CFAP54: variants seen among roughly 807,000 people sequenced by gnomAD.
The protein encoded by CFAP54 is cilia and flagella associated protein 54.
A neutral mutation model predicts 370.4 loss-of-function variants in CFAP54; 290 were observed. The observed-to-expected ratio is 0.78, with a 90% CI of 0.71 to 0.86. The LOEUF (loss-of-function observed/expected upper bound fraction) is 0.86. Among genes scored for constraint, CFAP54 ranks in the 40% least tolerant of loss-of-function variants. The probability of loss-of-function intolerance (pLI) is 0.00; values close to 1 mark genes in which losing one functional copy is unlikely to be tolerated. For synonymous variants in CFAP54, 1,206 were observed against 1,236.5 expected (o/e 0.98, Z 0.52); for missense variants, 3,399 against 3,528.7 (o/e 0.96, Z 0.93).
At chr12:96,531,267 A>G (rs974575324) in intron 9 of CFAP54, among the ~76,000 whole-genome samples, 1 of 151,914 alleles carries the variant, frequency 6.6e-6, no homozygotes, top group Non-Finnish European at 1.5e-5. Flanking sequence ...CTTTTTTATA[A>G]TCTTGTATAT....
At position 96,657,877 on chromosome 12, in the gene CFAP54, T is replaced by TG; in HGVS notation, c.5101-4dup. 6.3e-7 allele frequency: 1 copy of TG among 1,589,318 alleles called. No individual in the cohort carries two copies. Among genetic ancestry groups the TG allele is most frequent in the South Asian group, 1.1e-5 (1 of 87,908 alleles). On this transcript the variant is annotated splice_polypyrimidine_tract_variant and splice_region_variant and intron_variant, in intron 36 of 67. Transcript: ENST00000524981. ...ACATTTTTTTTTTCACTGTGCTACT[T>TG]GCAGCCTATTGAAGACAAAGGAGAA...
chr12:96,859,911 G>A (rs969456539), intron 66 of CFAP54, among the ~76,000 whole-genome samples: 2 of 152,074 alleles, frequency 1.3e-5, no homozygotes, highest in Non-Finnish European at 2.9e-5. Context: ...GGAAGGGAGA[G>A]ATTATTAATT....
intron 14 of CFAP54, among the ~76,000 whole-genome samples, chr12:96,544,934 C>T (rs573635463): frequency 3.2e-4 from 48 of 150,516 alleles, no homozygotes; most frequent in African/African-American, 8.1e-4. Context: ...CCCTTTGAGA[C>T]GGAGTCTCGC....
intron 67 of CFAP54, among the ~76,000 whole-genome samples, chr12:96,872,137 C>T (rs1960186134): frequency 6.6e-6 from 1 of 152,180 alleles, no homozygotes; most frequent in South Asian, 2.1e-4. Context: ...AAATCATAGT[C>T]ACAGTTCTGA....
At chr12:96,631,409 A>G (rs943284993) in intron 32 of CFAP54, among the ~76,000 whole-genome samples, 1 of 151,856 alleles carries the variant, frequency 6.6e-6, no homozygotes, top group African/African-American at 2.4e-5. Flanking sequence ...GAGTGAATTC[A>G]TATGTCAACC....
At chr12:96,725,108 G>A (rs368685529) in intron 50 of CFAP54, among the ~76,000 whole-genome samples, 18 of 152,214 alleles carry the variant, frequency 1.2e-4, no homozygotes, top group Non-Finnish European at 1.9e-4. Flanking sequence ...GTCAGGTAGC[G>A]TGATGCCTCC....
chr12:96,708,910 T>C (rs566970569), intron 48 of CFAP54, 107 bp downstream of exon 48: 2 of 890,704 alleles, frequency 2.2e-6, no homozygotes, highest in South Asian at 3.9e-5. Flanking sequence ...TCTTCCACAG[T>C]TTTCTCTATG....
At chr12:96,854,326 A>T (rs1449449153) in intron 66 of CFAP54, among the ~76,000 whole-genome samples, 1 of 152,210 alleles carries the variant, frequency 6.6e-6, no homozygotes, top group Non-Finnish European at 1.5e-5. Flanking sequence ...AATAGTAGCG[A>T]AATAGCAAAA....
intron 3 of CFAP54, 82 bp downstream of exon 3, chr12:96,504,111 C>T: frequency 7.6e-7 from 1 of 1,308,954 alleles, no homozygotes; most frequent in South Asian, 1.7e-5. Context: ...TTCTAAATGT[C>T]TTGTTGGCTT....
intron 1 of CFAP54, among the ~76,000 whole-genome samples, chr12:96,493,030 T>C (rs995024231): frequency 6.6e-6 from 1 of 151,998 alleles, no homozygotes; most frequent in African/African-American, 2.4e-5. Flanking sequence ...CCTTATATTC[T>C]CAGTAATTGT....
At chr12:96,668,638 G>A (rs1177080848) in intron 39 of CFAP54, among the ~76,000 whole-genome samples, 1 of 152,212 alleles carries the variant, frequency 6.6e-6, no homozygotes, top group Non-Finnish European at 1.5e-5. Flanking sequence ...TGAGATTTGG[G>A]TGGGGACATA....
intron 39 of CFAP54, among the ~76,000 whole-genome samples, chr12:96,664,695 ATCTATATATATATATATATC>A (rs1565934140): frequency 2.3e-4 from 18 of 79,088 alleles, no homozygotes; most frequent in South Asian, 9.0e-4. Flanking sequence ...TTGGGTATAT[ATCTATATATATATATATATC>A]TATATATATC....
intron 1 of CFAP54, among the ~76,000 whole-genome samples, chr12:96,494,420 C>A (rs186286032): frequency 1.6e-4 from 25 of 152,184 alleles, no homozygotes; most frequent in Non-Finnish European, 3.4e-4. Context: ...CCTGCCTCAG[C>A]CTCCTGAGTA....
At chr12:96,816,590 C>T (rs745714640) in intron 64 of CFAP54, among the ~76,000 whole-genome samples, 1 of 152,158 alleles carries the variant, frequency 6.6e-6, no homozygotes, top group Non-Finnish European at 1.5e-5. Flanking sequence ...GATGAGGATG[C>T]TGTGGACAAT....
chr12:96,700,025 C>A lies in CFAP54; in HGVS notation c.6406C>A (p.Gln2136Lys). The A allele has an allele frequency of 6.2e-7, 1 of 1,606,748 alleles. No homozygotes were observed. Among genetic ancestry groups the A allele is most frequent in the South Asian group, 1.1e-5 (1 of 90,114 alleles). Residue 2136 changes from glutamine to lysine, a missense_variant, in exon 46 of 68, where the codon CAA becomes AAA. By Grantham distance (53) the Gln-to-Lys change is moderately conservative. Transcript: ENST00000524981. ...FFSEAFYEIS[Q>K]IFYGKNMPCP... ...TTCTGAAGCCTTTTATGAGATATCC[C>A]AAATTTTCTATGGAAAAAACATGCC...
chr12:96,645,124 A>T, intron 33 of CFAP54: 1 of 456,572 alleles, frequency 2.2e-6, no homozygotes, highest in Non-Finnish European at 4.4e-6. Context: ...ATATTTACTC[A>T]CCCAATGTCA....
intron 66 of CFAP54, among the ~76,000 whole-genome samples, chr12:96,848,886 T>C (rs906882693): frequency 6.6e-6 from 1 of 152,234 alleles, no homozygotes; most frequent in African/African-American, 2.4e-5. Context: ...AAAAGCCCTG[T>C]TACCTTCCTG....
intron 39 of CFAP54, among the ~76,000 whole-genome samples, chr12:96,664,679 A>C (rs1957039020): frequency 7.5e-6 from 1 of 132,608 alleles, no homozygotes; most frequent in Admixed American, 7.9e-5. Context: ...AACAATTTAT[A>C]TTCCTTTGGG....
intron 55 of CFAP54, among the ~76,000 whole-genome samples, chr12:96,745,087 C>T (rs1452085033): frequency 1.3e-5 from 2 of 152,166 alleles, no homozygotes; most frequent in Admixed American, 6.5e-5. Context: ...TCCAGTCTAT[C>T]ATTGATGGGC....
Sources: gnomAD v4.1 joint callset for allele counts (sites outside exome capture counted in the v4.1 genomes callset) on GRCh38, gnomAD v4.1.1 for gene constraint, MANE v1.5 for transcripts, NCBI Gene and HGNC (gene_info 2026-07-23, HGNC 2026-07-21) for gene names.